ELMO1: variants seen among roughly 807,000 people sequenced by gnomAD.
ELMO1 encodes the protein engulfment and cell motility 1.
Under a neutral mutation model 98.9 loss-of-function variants are expected in ELMO1, and 26 were observed. That is an observed-to-expected ratio of 0.26 (90% confidence interval 0.19 to 0.36). ELMO1 has a LOEUF of 0.36. ELMO1 is among the 10% of genes least tolerant of loss of function. The pLI is 1.00. For synonymous variants in ELMO1, 346 were observed against 346.0 expected (o/e 1.00, Z 0.00); for missense variants, 627 against 935.2 (o/e 0.67, Z 4.30).
intron 16 of ELMO1, among the ~76,000 whole-genome samples, chr7:36,971,840 A>C (rs1488431597): frequency 6.6e-6 from 1 of 152,176 alleles, no homozygotes; most frequent in Non-Finnish European, 1.5e-5. Flanking sequence ...CATGCTAGCT[A>C]TTCTCAAATA....
chr7:36,898,296 C>T (rs1005914527), intron 16 of ELMO1, among the ~76,000 whole-genome samples: 10 of 152,174 alleles, frequency 6.6e-5, no homozygotes, highest in Non-Finnish European at 1.0e-4. Flanking sequence ...AACCCACAGA[C>T]GGTGTTGCGG....
At chr7:37,261,570 G>A (rs1351418154) in intron 5 of ELMO1, among the ~76,000 whole-genome samples, 2 of 152,078 alleles carry the variant, frequency 1.3e-5, no homozygotes, top group Non-Finnish European at 2.9e-5. Context: ...GCATCTCTCC[G>A]TGATGATAGA....
chr7:37,352,548 GC>G (rs1470586298), intron 1 of ELMO1, among the ~76,000 whole-genome samples: 1 of 152,024 alleles, frequency 6.6e-6, no homozygotes, highest in African/African-American at 2.4e-5. Flanking sequence ...GAAACATCTT[GC>G]GGCACACGTT....
intron 4 of ELMO1, among the ~76,000 whole-genome samples, chr7:37,298,433 C>T (rs1798169957): frequency 7.4e-6 from 1 of 134,406 alleles, no homozygotes; most frequent in Admixed American, 7.9e-5. Context: ...AGGTATATCT[C>T]CCAATGCTAT....
At chr7:37,420,135 T>A (rs1375656585) in intron 1 of ELMO1, among the ~76,000 whole-genome samples, 2 of 152,158 alleles carry the variant, frequency 1.3e-5, no homozygotes, top group African/African-American at 4.8e-5. Context: ...GGACGAGTCT[T>A]GTGCTCTCAG....
At chr7:37,390,785 A>G (rs911682153) in intron 1 of ELMO1, among the ~76,000 whole-genome samples, 6 of 152,182 alleles carry the variant, frequency 3.9e-5, no homozygotes, top group Admixed American at 3.3e-4. Flanking sequence ...TCTATCCACC[A>G]GGTGTTGAGG....
intron 4 of ELMO1, among the ~76,000 whole-genome samples, chr7:37,276,818 G>A (rs192025256): frequency 6.6e-6 from 1 of 152,342 alleles, no homozygotes; most frequent in Admixed American, 6.5e-5. Context: ...GAGGAATTCT[G>A]TCTCACAAGC....
chr7:36,910,271 G>C (rs1168036166), intron 16 of ELMO1, among the ~76,000 whole-genome samples: 2 of 152,230 alleles, frequency 1.3e-5, no homozygotes, highest in Non-Finnish European at 2.9e-5. Context: ...TTTGAACCTA[G>C]AGCTCCCTAT....
intron 4 of ELMO1, among the ~76,000 whole-genome samples, chr7:37,281,354 A>G (rs2130904984): frequency 6.6e-6 from 1 of 152,310 alleles, no homozygotes; most frequent in East Asian, 1.9e-4. Flanking sequence ...GTAACCAAAT[A>G]CCACCTGTTA....
chr7:37,346,146 G>GT (rs1302655439), intron 1 of ELMO1, among the ~76,000 whole-genome samples: 19 of 152,294 alleles, frequency 1.2e-4, no homozygotes, highest in South Asian at 2.1e-4. Flanking sequence ...CTGAAGCCAA[G>GT]TAAGTGCAAG....
intron 1 of ELMO1, among the ~76,000 whole-genome samples, chr7:37,391,261 T>C (rs1001722302): frequency 8.5e-5 from 13 of 152,112 alleles, no homozygotes; most frequent in African/African-American, 2.9e-4. Flanking sequence ...GAATTACAGG[T>C]GCCCACCAAC....
chr7:37,087,426 C>G (rs1286011543), intron 15 of ELMO1, among the ~76,000 whole-genome samples: 1 of 151,860 alleles, frequency 6.6e-6, no homozygotes, highest in Non-Finnish European at 1.5e-5. Flanking sequence ...GCTAGCTTGT[C>G]ACTTTCTGGC....
chr7:37,182,696 A>C (rs1790958659), intron 13 of ELMO1, among the ~76,000 whole-genome samples: 1 of 151,602 alleles, frequency 6.6e-6, no homozygotes, highest in African/African-American at 2.4e-5. Context: ...ATAAATTTAA[A>C]AAGCCAAGAG....
At chr7:36,976,820 C>T (rs1483805898) in intron 16 of ELMO1, among the ~76,000 whole-genome samples, 1 of 152,220 alleles carries the variant, frequency 6.6e-6, no homozygotes, top group Admixed American at 6.5e-5. Context: ...GGCTAATTAT[C>T]CATGCCTTCC....
intron 1 of ELMO1, among the ~76,000 whole-genome samples, chr7:37,415,337 C>A (rs568149327): frequency 6.6e-6 from 1 of 152,306 alleles, no homozygotes; most frequent in Admixed American, 6.5e-5. Flanking sequence ...AAGTTCTGGG[C>A]TGTATGTGCA....
At chr7:37,035,224 C>T (rs1012317373) in intron 15 of ELMO1, among the ~76,000 whole-genome samples, 73 of 152,202 alleles carry the variant, frequency 4.8e-4, no homozygotes, top group Non-Finnish European at 5.9e-4. Context: ...GAAGCTATTT[C>T]TCCTATTAGC....
intron 20 of ELMO1, among the ~76,000 whole-genome samples, chr7:36,863,832 CA>C (rs1338798504): frequency 6.6e-5 from 10 of 151,874 alleles, no homozygotes; most frequent in African/African-American, 2.4e-4. Context: ...TTTTTTTCAA[CA>C]AAATGCTAAG....
intron 4 of ELMO1, among the ~76,000 whole-genome samples, chr7:37,290,209 T>C (rs547829654): frequency 1.3e-5 from 2 of 152,298 alleles, no homozygotes; most frequent in East Asian, 3.9e-4. Flanking sequence ...CTCTTTCACA[T>C]ACAGGCTCTA....
At chr7:37,286,371 C>T (rs1797393304) in intron 4 of ELMO1, among the ~76,000 whole-genome samples, 1 of 152,236 alleles carries the variant, frequency 6.6e-6, no homozygotes, top group African/African-American at 2.4e-5. Context: ...CCAGTAACAG[C>T]TTTGTCACCT....
Sources: allele counts gnomAD v4.1 joint callset (sites outside exome capture counted in the v4.1 genomes callset), GRCh38; gene constraint gnomAD v4.1.1; transcripts MANE v1.5; gene names NCBI Gene and HGNC (gene_info 2026-07-23, HGNC 2026-07-21).